NDE1: variants seen among roughly 807,000 people sequenced by gnomAD.
The protein encoded by NDE1 is nudE neurodevelopment protein 1.
NDE1 carries 28 observed loss-of-function variants against 43.4 expected under a neutral mutation model. The ratio of observed to expected loss-of-function variants is 0.65; its 90% CI spans 0.48 to 0.89. NDE1 has a LOEUF of 0.89. NDE1 is among the 40% of genes least tolerant of loss of function. The pLI is 0.00. For missense variants in NDE1, 441 were observed against 434.1 expected, an observed-to-expected ratio of 1.02 and a Z score of -0.14; for synonymous variants, 184 against 172.0, an observed-to-expected ratio of 1.07 and a Z score of -0.55.
chr16:15,680,812 A>G (rs573069032), intron 4 of NDE1, among the ~76,000 whole-genome samples: 3 of 152,276 alleles, frequency 2.0e-5, no homozygotes, highest in African/African-American at 4.8e-5. Flanking sequence ...AGCTGGAATT[A>G]CAGGCATGAA....
chr16:15,693,058 CG>C (rs2038831668), intron 6 of NDE1, among the ~76,000 whole-genome samples: 1 of 149,848 alleles, frequency 6.7e-6, no homozygotes, highest in Non-Finnish European at 1.5e-5. Flanking sequence ...TGGAGTGCAG[CG>C]GCATTGATCT....
chr16:15,676,539 G>T (rs1250431173), intron 3 of NDE1, among the ~76,000 whole-genome samples: 2 of 152,000 alleles, frequency 1.3e-5, no homozygotes, highest in African/African-American at 4.8e-5. Context: ...ATAACCTAGA[G>T]ATCAAACTGT....
chr16:15,725,231 CTG>C lies in NDE1; in HGVS notation c.*983_*984del. The C allele has an allele frequency of 1.7e-6, 1 of 603,266 alleles. No individual in the cohort carries two copies. Among genetic ancestry groups the C allele is most frequent in the East Asian group, 2.8e-5 (1 of 36,118 alleles). The allele number at this position is 603,266 out of a possible 1,614,324, so 37.4% of individuals were successfully genotyped here. The stretch of plus-strand genomic sequence containing the variant: ...TGAGTTGGGACCCTGGCCCTAGACT[CTG>C]TGGTTCTAAGAACTTATTTGAGCCC... On this transcript the variant is annotated 3_prime_UTR_variant, in exon 9 of 9. Transcript: ENST00000396354.
chr16:15,704,959 G>A (rs370823128), intron 8 of NDE1, among the ~76,000 whole-genome samples: 3 of 152,118 alleles, frequency 2.0e-5, no homozygotes, highest in Non-Finnish European at 2.9e-5. Flanking sequence ...CATTACAGGC[G>A]TGGGCCACCA....
At chr16:15,707,959 CAAA>C (rs59081092) in intron 8 of NDE1, among the ~76,000 whole-genome samples, 57,538 of 115,928 alleles carry the variant, frequency 0.5, 12,715 homozygotes, top group Middle Eastern at 0.59. Context: ...GACTCCGTCT[CAAA>C]AAAAAAAAAA....
chr16:15,713,846 C>G (rs1167746872), intron 8 of NDE1: 1 of 152,596 alleles, frequency 6.6e-6, no homozygotes, highest in African/African-American at 2.4e-5. Context: ...AGAGGGGGAA[C>G]CGGATGTTGA....
chr16:15,695,440 G>A (rs1011725606), intron 7 of NDE1: 4 of 944,506 alleles, frequency 4.2e-6, no homozygotes, highest in Non-Finnish European at 3.8e-6. Context: ...TCCGGGAGGC[G>A]GAGGTTGCAG....
In NDE1 at chr16:15,721,061, G is replaced by C. The variant is rs1410892189; in HGVS notation, c.948-3130G>C. 6.2e-7 allele frequency: 1 copy of C among 1,613,428 alleles called. No homozygotes were observed. The highest frequency in any genetic ancestry group is 8.5e-7 in the Non-Finnish European group (1 of 1,179,924). On this transcript the variant is annotated intron_variant, in intron 8 of 8. Transcript: ENST00000396354. ...TCTCCAGCTCATGGACCTGCCGGCAGAGCGGGCAGCCCCATTCTATGAGGC... is the reference window on the plus strand; with the variant it reads ...TCTCCAGCTCATGGACCTGCCGGCACAGCGGGCAGCCCCATTCTATGAGGC...
chr16:15,681,499 G>A (rs943384515), intron 4 of NDE1, among the ~76,000 whole-genome samples: 2 of 151,542 alleles, frequency 1.3e-5, no homozygotes, highest in African/African-American at 2.4e-5. Context: ...TCCTGGACTC[G>A]GTCTGTCCAC....
rs977746535 is a variant in NDE1 at position 15,720,074 on chromosome 16, C to T, written c.948-4117C>T. On this transcript the variant is annotated intron_variant, in intron 8 of 8. Coordinates refer to ENST00000396354, the MANE Select transcript of NDE1 (RefSeq NM_017668.3). ...AGGTGCAGGCTTGCTTCCTGGAGCCCGCTCTGCTGACTTCGGTGGCCTGAG... is the reference window on the plus strand; with the variant it reads ...AGGTGCAGGCTTGCTTCCTGGAGCCTGCTCTGCTGACTTCGGTGGCCTGAG... 176 of 1,594,534 alleles carry T rather than the reference C, an allele frequency of 1.1e-4. 1 individual carries two copies. The highest frequency in any genetic ancestry group is 3.3e-4 in the Middle Eastern group (2 of 6,030).
rs201017949 is a variant in NDE1 at position 15,691,329 on chromosome 16, G to A, written c.703+6G>A. The A allele has an allele frequency of 2.0e-5, 33 of 1,613,978 alleles. No homozygotes were observed. In the African/African-American group the frequency reaches 2.4e-4, roughly 12 times the overall value. On this transcript the variant is annotated splice_donor_region_variant and intron_variant, in intron 6 of 8. Transcript: ENST00000396354. ...ACCTGGGAGCTTCAGACGTGGTAAG[G>A]GGAGTGGGAATTGCAGGATTTTCTC... is the stretch of plus-strand genomic sequence containing the variant.
At position 15,656,109 on chromosome 16, in the gene NDE1, C is replaced by T. The variant is rs140191225; in HGVS notation, c.-44+5815C>T. On this transcript the variant is annotated intron_variant, in intron 1 of 8. Coordinates refer to ENST00000396354, the MANE Select transcript of NDE1 (RefSeq NM_017668.3). ...CTAACCTGCACATTGTGCACATGTA[C>T]CCTAAAACTTAAAGTATAATAATAA... Among the ~76,000 whole-genome samples, 638 of 151,652 alleles carry T rather than the reference C, an allele frequency of 4.2e-3. 4 individuals are homozygous for T. The highest frequency in any genetic ancestry group is 0.015 in the African/African-American group (605 of 41,328).
At chr16:15,652,322 G>A (rs1038531387) in intron 1 of NDE1, among the ~76,000 whole-genome samples, 1 of 152,146 alleles carries the variant, frequency 6.6e-6, no homozygotes, top group African/African-American at 2.4e-5. Flanking sequence ...TTACTTGCAG[G>A]CATGAGCCAC....
intron 8 of NDE1, chr16:15,718,072 G>A (rs573069767): frequency 1.5e-5 from 9 of 608,118 alleles, no homozygotes; most frequent in Admixed American, 8.9e-5. Context: ...CGTGAGGTAC[G>A]GGGAGCCAGC....
intron 8 of NDE1, among the ~76,000 whole-genome samples, chr16:15,712,187 A>C (rs1015409072): frequency 6.6e-6 from 1 of 152,186 alleles, no homozygotes; most frequent in East Asian, 1.9e-4. Flanking sequence ...GGGGTGCAGC[A>C]TGTTTGGTGT....
chr16:15,722,668 T>C (rs1051225968), intron 8 of NDE1, among the ~76,000 whole-genome samples: 1 of 152,210 alleles, frequency 6.6e-6, no homozygotes, highest in African/African-American at 2.4e-5. Context: ...TCTAGAATCC[T>C]GACACTAGGA....
At chr16:15,714,817 C>T in intron 8 of NDE1, 10 of 1,492,398 alleles carry the variant, frequency 6.7e-6, no homozygotes, top group Non-Finnish European at 9.2e-6. Context: ...GCTGTGGGCA[C>T]AAGGGGCATT....
chr16:15,701,609 G>A (rs1047707138), intron 8 of NDE1: 2 of 152,174 alleles, frequency 1.3e-5, no homozygotes, highest in Non-Finnish European at 2.9e-5. Context: ...GATTTCCAAC[G>A]CACCATGGTG....
intron 8 of NDE1, among the ~76,000 whole-genome samples, chr16:15,705,364 C>A (rs185285647): frequency 6.6e-6 from 1 of 152,258 alleles, no homozygotes; most frequent in Non-Finnish European, 1.5e-5. Flanking sequence ...CTGGTTCTCT[C>A]TTGAGTTTAT....
Sources: gnomAD v4.1 joint callset for allele counts (sites outside exome capture counted in the v4.1 genomes callset) on GRCh38, gnomAD v4.1.1 for gene constraint, MANE v1.5 for transcripts, NCBI Gene and HGNC (gene_info 2026-07-23, HGNC 2026-07-21) for gene names.